FAM83B: variants seen among roughly 807,000 people sequenced by gnomAD.
FAM83B encodes protein FAM83B.
In FAM83B, 26 loss-of-function variants were observed where a neutral mutation model predicts 38.8. That is an observed-to-expected ratio of 0.67 (90% confidence interval 0.49 to 0.93). The LOEUF (loss-of-function observed/expected upper bound fraction) is 0.93, where lower values mean the gene tolerates loss of function less well. Among genes scored for constraint, FAM83B ranks in the 40% least tolerant of loss-of-function variants. The probability of loss-of-function intolerance (pLI) is 0.00; values close to 1 mark genes in which losing one functional copy is unlikely to be tolerated. For synonymous variants in FAM83B, 419 were observed against 423.1 expected (o/e 0.99, Z 0.12); for missense variants, 1,237 against 1,197.3 (o/e 1.03, Z -0.49).
intron 2 of FAM83B, among the ~76,000 whole-genome samples, chr6:54,918,456 C>G (rs1773095409): frequency 6.6e-6 from 1 of 152,130 alleles, no homozygotes. Flanking sequence ...ACTCAGAGTT[C>G]TGCAGGGCTG....
At chr6:54,861,703 T>C (rs187477012) in intron 1 of FAM83B, among the ~76,000 whole-genome samples, 1 of 151,908 alleles carries the variant, frequency 6.6e-6, no homozygotes, top group South Asian at 2.1e-4. Context: ...CTAGTTGGAG[T>C]GTTTCCAGAC....
chr6:54,913,875 T>G (rs1447508595), intron 2 of FAM83B, among the ~76,000 whole-genome samples: 1 of 151,786 alleles, frequency 6.6e-6, no homozygotes, highest in Admixed American at 6.6e-5. Context: ...TTCATCTGAA[T>G]TGTTTCAATG....
intron 2 of FAM83B, among the ~76,000 whole-genome samples, chr6:54,918,929 G>C (rs1773107474): frequency 6.6e-6 from 1 of 152,056 alleles, no homozygotes; most frequent in Non-Finnish European, 1.5e-5. Context: ...TGTGATCACA[G>C]AGCTAGATTA....
intron 2 of FAM83B, among the ~76,000 whole-genome samples, chr6:54,923,927 T>C (rs35124020): frequency 0.039 from 5,857 of 151,846 alleles, 292 homozygotes; most frequent in African/African-American, 0.11. Flanking sequence ...AAAGATATTG[T>C]TCCAGAAATT....
At chr6:54,913,967 A>G (rs1273604828) in intron 2 of FAM83B, among the ~76,000 whole-genome samples, 1 of 152,100 alleles carries the variant, frequency 6.6e-6, no homozygotes, top group Non-Finnish European at 1.5e-5. Context: ...AAAAATAATA[A>G]TTAATATTAT....
intron 1 of FAM83B, among the ~76,000 whole-genome samples, chr6:54,858,463 A>G (rs1245382992): frequency 6.6e-6 from 1 of 152,226 alleles, no homozygotes; most frequent in Non-Finnish European, 1.5e-5. Flanking sequence ...GTTGTAAAAT[A>G]TAGACTTCAG....
rs551377480 is a variant in FAM83B at position 54,865,332 on chromosome 6, C to A, written c.-60-4855C>A. On this transcript the variant is annotated intron_variant, in intron 1 of 4. Coordinates refer to ENST00000306858, the MANE Select transcript of FAM83B (RefSeq NM_001010872.3). ...GCCTCTGTAGTCACGTGCAGTTCTG[C>A]CTTTGTGTCTGTCTCTGTGTCCCCT... Among the ~76,000 whole-genome samples, 13 of 152,226 alleles carry A rather than the reference C, an allele frequency of 8.5e-5. No homozygotes were observed. In the East Asian group the frequency reaches 2.5e-3, roughly 29 times the overall value.
In FAM83B at chr6:54,940,415, C is replaced by CAAA. The variant is rs749436785; in HGVS notation, c.1444_1445insAAA (p.Pro482delinsGlnThr). The CAAA allele has an allele frequency of 6.2e-7, 1 of 1,613,852 alleles. No individual in the cohort carries two copies. Among genetic ancestry groups the CAAA allele is most frequent in the African/African-American group, 1.3e-5 (1 of 74,886 alleles). On this transcript the variant is annotated protein_altering_variant, in exon 5 of 5. Coordinates refer to ENST00000306858, the MANE Select transcript of FAM83B (RefSeq NM_001010872.3). ...TATCCGCTTTTTGCAACAACGAATG[C>CAAA]CAACCCTTGAACATACCACAAAGTC...
rs563736258 is a variant in FAM83B at position 54,943,228 on chromosome 6, T to G, written c.*1221T>G. On this transcript the variant is annotated 3_prime_UTR_variant, in exon 5 of 5. Coordinates refer to ENST00000306858, the MANE Select transcript of FAM83B (RefSeq NM_001010872.3). ...CAAATATGATATGACTGCATAGTGT[T>G]TTTGTAAGAATACCATTGGGAAAAT... is the stretch of plus-strand genomic sequence containing the variant. The G allele has an allele frequency of 6.6e-6, 1 of 151,936 alleles. No homozygotes were observed. The highest frequency in any genetic ancestry group is 2.4e-5 in the African/African-American group (1 of 41,216). The allele number at this position is 151,936 out of a possible 1,614,324, so 9.4% of individuals were successfully genotyped here.
Position 54,941,066 on chromosome 6 carries a change from C to T in FAM83B, c.2095C>T (p.Pro699Ser), listed in dbSNP as rs1773674505. Reference sequence around the variant, plus strand: ...GAATCGAGTTAGACAACCAGAAAAGCCCAAAGAAGATTTGCTGAAAAGTTC... The same window carrying T: ...GAATCGAGTTAGACAACCAGAAAAGTCCAAAGAAGATTTGCTGAAAAGTTC... ...TRNRVRQPEK[P>S]KEDLLKSSKS... The change falls in exon 5 of 5, where the codon CCC (proline) becomes TCC (serine). Residue 699 changes from proline (P) to serine (S), a missense_variant. Coordinates refer to ENST00000306858, the MANE Select transcript of FAM83B (RefSeq NM_001010872.3). The T allele has an allele frequency of 6.2e-7, 1 of 1,613,386 alleles. No individual in the cohort carries two copies. The highest frequency in any genetic ancestry group is 1.7e-4 in the Middle Eastern group (1 of 6,054).
chr6:54,926,754 A>G (rs555961787), intron 3 of FAM83B, among the ~76,000 whole-genome samples: 2 of 152,090 alleles, frequency 1.3e-5, no homozygotes, highest in African/African-American at 2.4e-5. Flanking sequence ...TGTTTTTGAG[A>G]CGGAGTCTTG....
intron 1 of FAM83B, among the ~76,000 whole-genome samples, chr6:54,868,787 G>T (rs1771777601): frequency 1.3e-5 from 2 of 152,208 alleles, no homozygotes; most frequent in South Asian, 2.1e-4. Flanking sequence ...AGACAGAAAA[G>T]AACATGTTCT....
At chr6:54,886,246 T>C (rs1476678698) in intron 2 of FAM83B, among the ~76,000 whole-genome samples, 1 of 152,068 alleles carries the variant, frequency 6.6e-6, no homozygotes, top group Non-Finnish European at 1.5e-5. Context: ...GTAGTTTTCA[T>C]TTTTTATAAT....
intron 2 of FAM83B, among the ~76,000 whole-genome samples, chr6:54,901,361 A>C (rs765616482): frequency 6.6e-6 from 1 of 152,212 alleles, no homozygotes; most frequent in Non-Finnish European, 1.5e-5. Flanking sequence ...CGATTTAAAA[A>C]AACAACAACA....
At position 54,870,648 on chromosome 6, in the gene FAM83B, G is replaced by T; in HGVS notation, c.402G>T (p.Thr134=). 1 of 1,609,328 alleles carries T rather than the reference G, an allele frequency of 6.2e-7. No individual in the cohort carries two copies. The highest frequency in any genetic ancestry group is 8.5e-7 in the Non-Finnish European group (1 of 1,178,282). The change falls in exon 2 of 5, where the codon ACG becomes ACT. Residue 134 remains threonine, a synonymous_variant. Transcript: ENST00000306858. The part of the protein sequence containing the change: ...LFHPPRAHLL[T]IKETIRKMIK... ...ATCCACCAAGAGCACATCTACTTAC[G>T]ATAAAAGAAACTATTCGGAAGATGA...
chr6:54,857,482 G>A (rs773344954), intron 1 of FAM83B, among the ~76,000 whole-genome samples: 1 of 152,324 alleles, frequency 6.6e-6, no homozygotes, highest in Admixed American at 6.5e-5. Context: ...TGAGTGTTGT[G>A]AAGTGAGGAG....
At chr6:54,929,458 T>A (rs778139914) in intron 4 of FAM83B, among the ~76,000 whole-genome samples, 5 of 152,166 alleles carry the variant, frequency 3.3e-5, no homozygotes, top group Non-Finnish European at 5.9e-5. Context: ...CTCACTCACA[T>A]GCTGATGATT....
At chr6:54,939,632 A>G in intron 4 of FAM83B, 74 bp from the exon 5 acceptor site, 1 of 1,345,438 alleles carries the variant, frequency 7.4e-7, no homozygotes, top group Non-Finnish European at 1.0e-6. Flanking sequence ...TCATTAAGTG[A>G]TACTTTTTTT....
At chr6:54,846,908 T>TC (rs1554142383) in intron 1 of FAM83B, 82 bp downstream of exon 1, 1 of 151,106 alleles carries the variant, frequency 6.6e-6, no homozygotes, top group African/African-American at 2.4e-5. Flanking sequence ...CTTGGGGTAC[T>TC]GGGGGGGCCC....
Sources: allele counts gnomAD v4.1 joint callset (sites outside exome capture counted in the v4.1 genomes callset), GRCh38; gene constraint gnomAD v4.1.1; transcripts MANE v1.5; gene names NCBI Gene and HGNC (gene_info 2026-07-23, HGNC 2026-07-21).